Variants in CABCOCO1 observed in about 807,000 individuals in gnomAD.
The protein encoded by CABCOCO1 is ciliary associated calcium binding coiled-coil 1.
In CABCOCO1, 28 loss-of-function variants were observed where a neutral mutation model predicts 35.7. The observed-to-expected ratio is 0.78, with a 90% confidence interval of 0.58 to 1.07. The LOEUF (loss-of-function observed/expected upper bound fraction) is 1.07. Among genes scored for constraint, CABCOCO1 ranks in the 50% least tolerant of loss-of-function variants. The probability of loss-of-function intolerance (pLI) is 0.00; values close to 1 mark genes in which losing one functional copy is unlikely to be tolerated. For synonymous variants in CABCOCO1, 95 were observed against 100.1 expected (o/e 0.95, Z 0.30); for missense variants, 326 against 309.2 (o/e 1.05, Z -0.41).
chr10:61,682,769 C>A (rs1839834198), intron 3 of CABCOCO1, among the ~76,000 whole-genome samples: 2 of 151,958 alleles, frequency 1.3e-5, no homozygotes, highest in Admixed American at 1.3e-4. Flanking sequence ...CACACAGGGT[C>A]TACACTAGCA....
At chr10:61,757,700 G>GAC (rs67841126) in intron 5 of CABCOCO1, among the ~76,000 whole-genome samples, 102,801 of 147,744 alleles carry the variant, frequency 0.7, 35,787 homozygotes, top group East Asian at 0.83. Context: ...CACACACACA[G>GAC]ACACACACAC....
intron 1 of CABCOCO1, among the ~76,000 whole-genome samples, chr10:61,670,837 C>A (rs1364577354): frequency 6.6e-6 from 1 of 152,204 alleles, no homozygotes; most frequent in Non-Finnish European, 1.5e-5. Context: ...AGCAGTCTCA[C>A]CCATTGTCAC....
At position 61,760,931 on chromosome 10, in the gene CABCOCO1, A is replaced by G; in HGVS notation, c.744A>G (p.Leu248=). The change falls in exon 7 of 8, where the codon TTA becomes TTG. Residue 248 remains leucine, a synonymous_variant. Transcript: ENST00000648843. ...PETDTSDMDP[L]VGFTIEDVKS... is the part of the protein sequence containing the mutation. ...CTGACACCTCAGACATGGATCCTTT[A>G]GTTGGTTTTACCATTGAAGATGTAA... 1 of 1,612,794 alleles carries G rather than the reference A, an allele frequency of 6.2e-7. No homozygotes were observed. Among genetic ancestry groups the G allele is most frequent in the African/African-American group, 1.3e-5 (1 of 74,954 alleles).
chr10:61,755,559 T>A (rs1207667369), intron 5 of CABCOCO1, among the ~76,000 whole-genome samples: 1 of 152,122 alleles, frequency 6.6e-6, no homozygotes, highest in Non-Finnish European at 1.5e-5. Flanking sequence ...TTTGTCTATG[T>A]GCCTATGGCT....
chr10:61,732,318 T>C (rs914661179), intron 5 of CABCOCO1, among the ~76,000 whole-genome samples: 9 of 152,244 alleles, frequency 5.9e-5, no homozygotes, highest in Admixed American at 5.9e-4. Context: ...AGAACTCCTT[T>C]GCTTTAAGCA....
At chr10:61,746,685 G>T (rs1008186453) in intron 5 of CABCOCO1, among the ~76,000 whole-genome samples, 1 of 152,102 alleles carries the variant, frequency 6.6e-6, no homozygotes, top group Non-Finnish European at 1.5e-5. Flanking sequence ...ACCTAGAATG[G>T]TGTGACAGGA....
chr10:61,749,981 T>TTTTC (rs1841745958), intron 5 of CABCOCO1, among the ~76,000 whole-genome samples: 1 of 151,620 alleles, frequency 6.6e-6, no homozygotes, highest in African/African-American at 2.4e-5. Flanking sequence ...TTTTTTTTTT[T>TTTTC]TTCATCATCA....
intron 5 of CABCOCO1, among the ~76,000 whole-genome samples, chr10:61,731,672 A>T (rs766773993): frequency 1.3e-5 from 2 of 150,382 alleles, no homozygotes; most frequent in African/African-American, 2.4e-5. Context: ...TTTTGACGTG[A>T]TATTTTATGA....
At chr10:61,672,281 C>T (rs914420685) in intron 1 of CABCOCO1, among the ~76,000 whole-genome samples, 1 of 152,200 alleles carries the variant, frequency 6.6e-6, no homozygotes, top group African/African-American at 2.4e-5. Context: ...GCTTGCTCCT[C>T]TCACTAGATG....
intron 5 of CABCOCO1, among the ~76,000 whole-genome samples, chr10:61,706,314 G>A (rs1440255037): frequency 6.6e-6 from 1 of 152,142 alleles, no homozygotes; most frequent in Non-Finnish European, 1.5e-5. Context: ...AGGGAACGCA[G>A]TTCATTATTC....
chr10:61,745,315 C>T (rs1841632513), intron 5 of CABCOCO1, among the ~76,000 whole-genome samples: 1 of 152,124 alleles, frequency 6.6e-6, no homozygotes, highest in Non-Finnish European at 1.5e-5. Context: ...TATTCCAGGT[C>T]ACTTAATACC....
chr10:61,678,469 G>A (rs926190929), intron 2 of CABCOCO1, among the ~76,000 whole-genome samples: 1 of 151,976 alleles, frequency 6.6e-6, no homozygotes, highest in African/African-American at 2.4e-5. Context: ...GAAAAAATGT[G>A]TCAAAATGTA....
At chr10:61,669,324 T>G (rs571849807) in intron 1 of CABCOCO1, among the ~76,000 whole-genome samples, 117 of 152,120 alleles carry the variant, frequency 7.7e-4, no homozygotes, top group African/African-American at 2.7e-3. Context: ...TTTATTGCTC[T>G]TGGAATAACT....
chr10:61,679,281 TTATATC>T (rs750117600), intron 2 of CABCOCO1, among the ~76,000 whole-genome samples: 4,402 of 140,964 alleles, frequency 0.031, 220 homozygotes, highest in African/African-American at 0.1. Flanking sequence ...TAGAATGAGC[TTATATC>T]TATATCTATA....
chr10:61,686,741 T>A (rs1383294834), intron 4 of CABCOCO1, among the ~76,000 whole-genome samples: 1 of 152,216 alleles, frequency 6.6e-6, no homozygotes. Context: ...ACTCATTAAG[T>A]CTTTCTTACT....
In CABCOCO1 at chr10:61,763,683, C is replaced by A. The variant is rs112155884; in HGVS notation, c.817-2256C>A. On this transcript the variant is annotated intron_variant, in intron 7 of 7. Coordinates refer to ENST00000648843, the MANE Select transcript of CABCOCO1 (RefSeq NM_001366906.2). Reference sequence around the variant, plus strand: ...TGAGGGAAGTTTGCCATCTTGGGACCCTAGATGTTTTTAGGTCAACTTGAA... The same window carrying A: ...TGAGGGAAGTTTGCCATCTTGGGACACTAGATGTTTTTAGGTCAACTTGAA... Among the ~76,000 whole-genome samples the A allele has an allele frequency of 5.1e-3, 779 of 151,682 alleles. 5 individuals are homozygous for A. Among genetic ancestry groups the A allele is most frequent in the African/African-American group, 0.017 (716 of 41,342 alleles).
chr10:61,744,606 T>C (rs1310259379), intron 5 of CABCOCO1, among the ~76,000 whole-genome samples: 1 of 152,146 alleles, frequency 6.6e-6, no homozygotes, highest in Non-Finnish European at 1.5e-5. Flanking sequence ...CAATCTCAGT[T>C]TGTGATGAAA....
At chr10:61,680,823 T>C (rs1407353181) in intron 2 of CABCOCO1, among the ~76,000 whole-genome samples, 1 of 145,306 alleles carries the variant, frequency 6.9e-6, no homozygotes, top group African/African-American at 2.5e-5. Context: ...AAAAAAGACG[T>C]TGAATTTCAC....
chr10:61,765,104 G>A (rs916744006), intron 7 of CABCOCO1, among the ~76,000 whole-genome samples: 3 of 152,050 alleles, frequency 2.0e-5, no homozygotes, highest in Non-Finnish European at 4.4e-5. Flanking sequence ...TAACACATAT[G>A]TGTATAAGCT....
Sources: gnomAD v4.1 joint callset for allele counts (sites outside exome capture counted in the v4.1 genomes callset) on GRCh38, gnomAD v4.1.1 for gene constraint, MANE v1.5 for transcripts, NCBI Gene and HGNC (gene_info 2026-07-23, HGNC 2026-07-21) for gene names.